Variants in BAZ2B observed in about 807,000 individuals in gnomAD.
The protein encoded by BAZ2B is bromodomain adjacent to zinc finger domain 2B.
BAZ2B carries 91 observed loss-of-function variants against 246.0 expected under a neutral mutation model. That is an observed-to-expected ratio of 0.37 (90% CI 0.31 to 0.44). The LOEUF is 0.44. Ranked by LOEUF, BAZ2B falls within the 20% of genes least tolerant of loss-of-function variation. The pLI, the probability that BAZ2B is intolerant of heterozygous loss-of-function variation, is 1.00. For missense variants in BAZ2B, 2,332 were observed against 2,533.7 expected (o/e 0.92, Z 1.71); for synonymous variants, 855 against 860.0 (o/e 0.99, Z 0.10).
At chr2:159,411,576 A>C (rs2066848704) in intron 14 of BAZ2B, among the ~76,000 whole-genome samples, 1 of 152,260 alleles carries the variant, frequency 6.6e-6, no homozygotes, top group African/African-American at 2.4e-5. Context: ...TGCAAATATA[A>C]GGTATCTACA....
intron 6 of BAZ2B, 101 bp downstream of exon 6, chr2:159,446,681 A>G: frequency 8.7e-7 from 1 of 1,147,930 alleles, no homozygotes; most frequent in Non-Finnish European, 1.2e-6. Context: ...AAAGTTGGTA[A>G]TTCATAAGAA....
intron 3 of BAZ2B, among the ~76,000 whole-genome samples, chr2:159,457,150 G>A (rs2075876144): frequency 6.6e-6 from 1 of 152,076 alleles, no homozygotes; most frequent in South Asian, 2.1e-4. Flanking sequence ...AACATTTCAT[G>A]AACATACCTA....
intron 3 of BAZ2B, chr2:159,461,266 T>C (rs910348120): frequency 5.9e-5 from 9 of 152,562 alleles, no homozygotes; most frequent in Admixed American, 2.0e-4. Context: ...GTTGTTATAT[T>C]ATATCTATGT....
intron 17 of BAZ2B, among the ~76,000 whole-genome samples, chr2:159,399,147 G>A (rs1156561138): frequency 4.6e-5 from 1 of 21,890 alleles, no homozygotes; most frequent in African/African-American, 4.9e-5. Flanking sequence ...TCTTCTTCAA[G>A]CTTTGTTAAG....
At chr2:159,395,869 G>A in intron 19 of BAZ2B, 35 bp from the exon 20 acceptor site, 1 of 1,543,888 alleles carries the variant, frequency 6.5e-7, no homozygotes, top group Non-Finnish European at 8.8e-7. Flanking sequence ...AAATAACTCA[G>A]CCACAATTAA....
chr2:159,630,385 T>TA, the BAZ2B span, among the ~76,000 whole-genome samples: 1 of 152,178 alleles, frequency 6.6e-6, no homozygotes, highest in Non-Finnish European at 1.5e-5. Context: ...TAAATGAACT[T>TA]ACTTGTATGT....
At chr2:159,397,820 T>TATA (rs1461793274) in intron 18 of BAZ2B, among the ~76,000 whole-genome samples, 2 of 151,402 alleles carry the variant, frequency 1.3e-5, no homozygotes, top group East Asian at 3.9e-4. Context: ...CCATTCTGAA[T>TATA]ATAAACTCTC....
chr2:159,336,400 G>C, intron 33 of BAZ2B, among the ~76,000 whole-genome samples: 1 of 152,144 alleles, frequency 6.6e-6, no homozygotes, highest in Admixed American at 6.5e-5. Context: ...GTAGAAAGAA[G>C]GTGGAAAACC....
chr2:159,507,167 A>C (rs1458344198), intron 2 of BAZ2B, among the ~76,000 whole-genome samples: 1 of 152,178 alleles, frequency 6.6e-6, no homozygotes, highest in Admixed American at 6.5e-5. Context: ...CGTCAAAGAG[A>C]GATTAGGTGG....
intron 4 of BAZ2B, among the ~76,000 whole-genome samples, chr2:159,453,050 A>G (rs1157470023): frequency 6.6e-6 from 1 of 152,236 alleles, no homozygotes; most frequent in Non-Finnish European, 1.5e-5. Flanking sequence ...CAGTGAGCTG[A>G]GACTGCACCA....
intron 34 of BAZ2B, among the ~76,000 whole-genome samples, chr2:159,330,712 G>A (rs2064596193): frequency 6.9e-6 from 1 of 145,268 alleles, no homozygotes; most frequent in Non-Finnish European, 1.5e-5. Context: ...AAAAAAAAAA[G>A]CCAGGCATAG....
intron 27 of BAZ2B, among the ~76,000 whole-genome samples, chr2:159,372,738 T>G (rs1369274193): frequency 6.6e-6 from 1 of 152,104 alleles, no homozygotes; most frequent in African/African-American, 2.4e-5. Flanking sequence ...AGTTTGACAA[T>G]GGGAAGAAAG....
At chr2:159,512,966 A>C (rs1347878647) in intron 2 of BAZ2B, among the ~76,000 whole-genome samples, 1 of 152,202 alleles carries the variant, frequency 6.6e-6, no homozygotes, top group Admixed American at 6.5e-5. Context: ...TTTTAATTTT[A>C]ACATCATACA....
chr2:159,439,326 T>C, intron 6 of BAZ2B, 114 bp from the exon 7 acceptor site: 1 of 985,124 alleles, frequency 1.0e-6, no homozygotes, highest in Non-Finnish European at 1.5e-6. Context: ...AAAATGTCAT[T>C]GTAGGAAAAA....
chr2:159,559,855 A>G (rs1269326022), intron 1 of BAZ2B, among the ~76,000 whole-genome samples: 1 of 152,194 alleles, frequency 6.6e-6, no homozygotes, highest in Non-Finnish European at 1.5e-5. Flanking sequence ...ATTTTATGAA[A>G]ACATAATTCA....
chr2:159,556,388 T>C (rs1282873561), intron 1 of BAZ2B, among the ~76,000 whole-genome samples: 3 of 141,616 alleles, frequency 2.1e-5, no homozygotes, highest in African/African-American at 3.1e-5. Flanking sequence ...CTGGGAAGAA[T>C]TTAGAACAGG....
chr2:159,631,450 T>A, the BAZ2B span, among the ~76,000 whole-genome samples: 1 of 152,250 alleles, frequency 6.6e-6, no homozygotes, highest in Non-Finnish European at 1.5e-5. Flanking sequence ...CATCTACCCC[T>A]AAAAAATTCC....
At chr2:159,600,361 C>A (rs113949591) in intron 1 of BAZ2B, among the ~76,000 whole-genome samples, 1 of 151,802 alleles carries the variant, frequency 6.6e-6, no homozygotes, top group Middle Eastern at 3.2e-3. Flanking sequence ...AATTCCCTAA[C>A]AAATTTAGGA....
chr2:159,433,177 G>T lies in BAZ2B; in HGVS notation c.1480C>A (p.Pro494Thr). 1 of 1,614,150 alleles carries T rather than the reference G, an allele frequency of 6.2e-7. No individual in the cohort carries two copies. The change falls in exon 9 of 37, where the codon CCA (proline) becomes ACA (threonine). Residue 494 changes from proline (P) to threonine (T), a missense_variant. By Grantham distance (38) the Pro-to-Thr change is conservative. Transcript: ENST00000392783. ...LTNALLGNHQ[P>T]NGVIQSVIQE... ...ATGACACTTTGAATAACTCCATTTGGTTGGTGATTACCTAAAAGTGCATTT... is the reference window on the plus strand; with the variant it reads ...ATGACACTTTGAATAACTCCATTTGTTTGGTGATTACCTAAAAGTGCATTT...
Sources: allele counts gnomAD v4.1 joint callset (sites outside exome capture counted in the v4.1 genomes callset), GRCh38; gene constraint gnomAD v4.1.1; transcripts MANE v1.5; gene names NCBI Gene and HGNC (gene_info 2026-07-23, HGNC 2026-07-21).